Variants in CSMD1 observed in about 807,000 individuals in gnomAD.
CSMD1 encodes CUB and sushi domain-containing protein 1.
CSMD1 carries 213 observed loss-of-function variants against 417.5 expected under a neutral mutation model. That is an observed-to-expected ratio of 0.51 (90% CI 0.46 to 0.57). The LOEUF (loss-of-function observed/expected upper bound fraction) is 0.57. Among genes scored for constraint, CSMD1 ranks in the 20% least tolerant of loss-of-function variants. The pLI is 0.00. For missense variants in CSMD1, 6,923 were observed against 4,529.7 expected (o/e 1.53, Z -15.17); for synonymous variants, 2,862 against 1,736.8 (o/e 1.65, Z -16.11).
At chr8:3,719,124 C>T (rs1235897557) in intron 6 of CSMD1, among the ~76,000 whole-genome samples, 2 of 152,134 alleles carry the variant, frequency 1.3e-5, no homozygotes, top group African/African-American at 4.8e-5. Flanking sequence ...GATTTTGTGT[C>T]CTGTTCTATT....
At chr8:3,467,323 G>C (rs1043348203) in intron 12 of CSMD1, among the ~76,000 whole-genome samples, 3 of 152,210 alleles carry the variant, frequency 2.0e-5, no homozygotes, top group Admixed American at 6.5e-5. Context: ...GTTGGGAAGT[G>C]TCTGGTATTT....
At chr8:3,926,423 A>T (rs563450294) in intron 5 of CSMD1, among the ~76,000 whole-genome samples, 5 of 149,706 alleles carry the variant, frequency 3.3e-5, no homozygotes, top group African/African-American at 1.2e-4. Flanking sequence ...TATTACCAGT[A>T]GCTAATATAG....
At chr8:3,175,645 G>A (rs1820891489) in intron 37 of CSMD1, among the ~76,000 whole-genome samples, 2 of 149,944 alleles carry the variant, frequency 1.3e-5, no homozygotes, top group Admixed American at 6.7e-5. Context: ...CATGTTTGAG[G>A]CCCCGTTCCC....
rs998487073 is a variant in CSMD1, at chr8:4,145,457, T to C, written c.416-113358A>G. On this transcript the variant is annotated intron_variant, in intron 3 of 69. Coordinates refer to ENST00000635120, the MANE Select transcript of CSMD1 (RefSeq NM_033225.6). ...AATCTACAGGTTACTATATATTTTT[T>C]GTATTGAAATATATACGGTAAACTA... Among the ~76,000 whole-genome samples, 12 of 151,354 alleles carry C rather than the reference T, an allele frequency of 7.9e-5. 2 individuals carry two copies. The highest frequency in any genetic ancestry group is 3.0e-4 in the African/African-American group (12 of 40,642).
intron 3 of CSMD1, among the ~76,000 whole-genome samples, chr8:4,116,799 C>G (rs922243915): frequency 1.3e-5 from 2 of 150,010 alleles, no homozygotes; most frequent in African/African-American, 2.5e-5. Context: ...TGCTGTCAAC[C>G]TAAAACTACT....
chr8:3,953,971 G>T (rs551377776), intron 5 of CSMD1, among the ~76,000 whole-genome samples: 1 of 152,172 alleles, frequency 6.6e-6, no homozygotes, highest in Non-Finnish European at 1.5e-5. Flanking sequence ...GAGCGCACAG[G>T]AGCCCTTCCT....
rs537827438 is a variant in CSMD1, at chr8:3,419,418, A to G, written c.1562-9813T>C. Among the ~76,000 whole-genome samples, 286 of 152,242 alleles carry G rather than the reference A, an allele frequency of 1.9e-3. 1 individual carries two copies. The highest frequency in any genetic ancestry group is 3.1e-3 in the Non-Finnish European group (214 of 68,038). ...AACAAAATAGGAATAAAAATTTACTATTCTAGAATTTCTGTTTTTCAAGTA... is the reference window on the plus strand; with the variant it reads ...AACAAAATAGGAATAAAAATTTACTGTTCTAGAATTTCTGTTTTTCAAGTA... On this transcript the variant is annotated intron_variant, in intron 12 of 69. Transcript: ENST00000635120.
chr8:3,172,957 CT>C (rs1026680536), intron 37 of CSMD1, among the ~76,000 whole-genome samples: 6 of 152,200 alleles, frequency 3.9e-5, no homozygotes, highest in Admixed American at 6.5e-5. Context: ...GGACCTACCA[CT>C]GAAATAACTG....
intron 7 of CSMD1, among the ~76,000 whole-genome samples, chr8:3,677,610 T>G (rs1450060040): frequency 4.0e-4 from 61 of 152,116 alleles, no homozygotes; most frequent in Admixed American, 4.0e-3. Flanking sequence ...CCCTCTGAGT[T>G]TAGAACCTCT....
intron 2 of CSMD1, among the ~76,000 whole-genome samples, chr8:4,569,068 G>T (rs1798757055): frequency 2.0e-5 from 3 of 152,074 alleles, no homozygotes; most frequent in Admixed American, 2.0e-4. Flanking sequence ...TCTGTAGGTT[G>T]CCTGTTCACT....
intron 20 of CSMD1, among the ~76,000 whole-genome samples, chr8:3,364,674 C>G (rs1035298081): frequency 6.6e-6 from 1 of 152,172 alleles, no homozygotes; most frequent in Non-Finnish European, 1.5e-5. Context: ...TCTTTTACCC[C>G]ATGGGGATAT....
chr8:4,063,605 C>T (rs1479953608), intron 3 of CSMD1, among the ~76,000 whole-genome samples: 6 of 152,178 alleles, frequency 3.9e-5, no homozygotes, highest in Admixed American at 6.5e-5. Flanking sequence ...GTGCCACGTA[C>T]GTTTCCAGTT....
chr8:4,250,150 C>G (rs888243487), intron 3 of CSMD1, among the ~76,000 whole-genome samples: 3 of 152,186 alleles, frequency 2.0e-5, no homozygotes, highest in Non-Finnish European at 2.9e-5. Context: ...TTTTGAGCTT[C>G]TCAGCCTCTA....
At chr8:4,317,894 G>T (rs1799026388) in intron 3 of CSMD1, among the ~76,000 whole-genome samples, 2 of 152,166 alleles carry the variant, frequency 1.3e-5, no homozygotes, top group Admixed American at 6.6e-5. Context: ...CTGTCTTTCA[G>T]ATGTGTTGGA....
chr8:3,083,908 C>T (rs1009049737), intron 49 of CSMD1, among the ~76,000 whole-genome samples: 1 of 151,772 alleles, frequency 6.6e-6, no homozygotes, highest in Non-Finnish European at 1.5e-5. Context: ...ATCCACCCAC[C>T]CACCTTGGCC....
At chr8:4,889,298 A>G (rs748883172) in intron 1 of CSMD1, among the ~76,000 whole-genome samples, 49 of 152,146 alleles carry the variant, frequency 3.2e-4, no homozygotes, top group Admixed American at 1.7e-3. Context: ...ATGAGGAAAC[A>G]TTAGAGAAAC....
intron 1 of CSMD1, among the ~76,000 whole-genome samples, chr8:4,764,755 C>G (rs1335441420): frequency 1.3e-5 from 2 of 150,344 alleles, no homozygotes; most frequent in African/African-American, 2.4e-5. Flanking sequence ...TGCCTGTAGT[C>G]CCAGCTACTC....
intron 37 of CSMD1, among the ~76,000 whole-genome samples, chr8:3,172,329 C>T (rs534804932): frequency 6.6e-5 from 10 of 152,186 alleles, no homozygotes; most frequent in Admixed American, 1.3e-4. Flanking sequence ...TTGGCTACAG[C>T]GTTTTTTTCC....
intron 3 of CSMD1, among the ~76,000 whole-genome samples, chr8:4,138,115 C>G (rs915093275): frequency 7.8e-6 from 1 of 128,426 alleles, no homozygotes; most frequent in Admixed American, 9.9e-5. Context: ...CGCGGTTTCA[C>G]CGTGTTACCC....
Sources: gnomAD v4.1 joint callset for allele counts (sites outside exome capture counted in the v4.1 genomes callset) on GRCh38, gnomAD v4.1.1 for gene constraint, MANE v1.5 for transcripts, NCBI Gene and HGNC (gene_info 2026-07-23, HGNC 2026-07-21) for gene names.